GAREM1: variants seen among roughly 807,000 people sequenced by gnomAD.
GAREM1 encodes the protein GRB2 associated regulator of MAPK1 subtype 1.
Under a neutral mutation model 71.3 loss-of-function variants are expected in GAREM1, and 26 were observed. The observed-to-expected ratio is 0.36, with a 90% CI of 0.27 to 0.51. GAREM1 has a LOEUF of 0.51. Ranked by LOEUF, GAREM1 falls within the 20% of genes least tolerant of loss-of-function variation. GAREM1 has a pLI of 0.95. For missense variants in GAREM1, 1,026 were observed against 1,103.1 expected, an observed-to-expected ratio of 0.93 and a Z score of 0.99; for synonymous variants, 440 against 433.2, an observed-to-expected ratio of 1.02 and a Z score of -0.20.
chr18:32,370,194 G>T (rs181045771), intron 2 of GAREM1, among the ~76,000 whole-genome samples: 546 of 152,082 alleles, frequency 3.6e-3, no homozygotes, highest in Admixed American at 7.7e-3. Flanking sequence ...GCACTTTGGG[G>T]GGCCGAGGCC....
chr18:32,310,205 T>C lies in GAREM1; in HGVS notation c.381A>G (p.Thr127=), dbSNP rs1427237496. ...CAAGAGCTACTACCTTCACGTTGAA[T>C]GTGATATCCTCCATGACGTACACGC... ...PERVYVMEDI[T]FNVKVASGEC... The change falls in exon 3 of 6, where the codon ACA becomes ACG. Residue 127 remains threonine, a synonymous_variant. Coordinates refer to ENST00000269209, the MANE Select transcript of GAREM1 (RefSeq NM_001242409.2). 1.4e-5 allele frequency: 23 copies of C among 1,614,036 alleles called. No homozygotes were observed. Among genetic ancestry groups the C allele is most frequent in the Non-Finnish European group, 1.9e-5 (22 of 1,179,978 alleles).
At chr18:32,364,004 A>ATGTTTTT (rs1256498695) in intron 2 of GAREM1, among the ~76,000 whole-genome samples, 1 of 39,502 alleles carries the variant, frequency 2.5e-5, no homozygotes, top group African/African-American at 1.5e-4. Flanking sequence ...ACATATATAT[A>ATGTTTTT]TATATATATA....
chr18:32,325,546 T>C (rs1163760285), intron 2 of GAREM1, among the ~76,000 whole-genome samples: 1 of 152,150 alleles, frequency 6.6e-6, no homozygotes, highest in East Asian at 1.9e-4. Context: ...AAATTAAGCC[T>C]TTAAAAAACA....
In GAREM1 at chr18:32,310,249, C is replaced by T. The variant is rs1236770834; in HGVS notation, c.337G>A (p.Ala113Thr). The T allele has an allele frequency of 6.2e-7, 1 of 1,614,078 alleles. No homozygotes were observed. The highest frequency in any genetic ancestry group is 8.5e-7 in the Non-Finnish European group (1 of 1,179,958). The change falls in exon 3 of 6, where the codon GCT (alanine) becomes ACT (threonine). Residue 113 changes from alanine (A) to threonine (T), a missense_variant. Physicochemically the swap from Ala to Thr is moderately conservative, Grantham distance 58. Transcript: ENST00000269209. ...TACACGCGTTCAGGAAATGCCTTAG[C>T]CACCTCCTCCACACTGTTGAAATAT... is the stretch of plus-strand genomic sequence containing the variant. ...VQYFNSVEEV[A>T]KAFPERVYVM...
intron 2 of GAREM1, among the ~76,000 whole-genome samples, chr18:32,350,276 A>T (rs935824191): frequency 7.9e-5 from 12 of 152,214 alleles, no homozygotes; most frequent in Non-Finnish European, 1.3e-4. Context: ...AAGTAATATA[A>T]CCACTTTATA....
At chr18:32,284,752 CT>C (rs34946592) in intron 4 of GAREM1, among the ~76,000 whole-genome samples, 1,215 of 121,112 alleles carry the variant, frequency 0.01, 7 homozygotes, top group African/African-American at 0.031. Flanking sequence ...TGCCCCCTTA[CT>C]TTTTTTTTTT....
chr18:32,355,960 A>G (rs568207466), intron 2 of GAREM1, among the ~76,000 whole-genome samples: 4 of 152,336 alleles, frequency 2.6e-5, no homozygotes, highest in South Asian at 2.1e-4. Flanking sequence ...ACATTTTTCA[A>G]CCACATTCTA....
chr18:32,274,216 G>A (rs953722828), intron 4 of GAREM1, among the ~76,000 whole-genome samples: 1 of 152,174 alleles, frequency 6.6e-6, no homozygotes, highest in Non-Finnish European at 1.5e-5. Flanking sequence ...ATTCAGAAGT[G>A]ACAGAGTGAG....
chr18:32,393,777 A>G (rs2144660716), intron 1 of GAREM1, among the ~76,000 whole-genome samples: 1 of 152,332 alleles, frequency 6.6e-6, no homozygotes, highest in South Asian at 2.1e-4. Flanking sequence ...ATGACAAACT[A>G]TTTCAAAAGA....
chr18:32,351,708 T>A lies in GAREM1; in HGVS notation c.262+41187A>T, dbSNP rs531591335. Among the ~76,000 whole-genome samples the A allele has an allele frequency of 4.8e-3, 737 of 152,168 alleles. 3 individuals carry two copies. The highest frequency in any genetic ancestry group is 0.017 in the South Asian group (82 of 4,814). ...TCAAGCAATACCCTCTCTCTTTTTT[T>A]TTTTTTTACTTACACAGACAGAACA... is the stretch of plus-strand genomic sequence containing the variant. On this transcript the variant is annotated intron_variant, in intron 2 of 5. Transcript: ENST00000269209.
At chr18:32,372,774 C>A (rs1053403554) in intron 2 of GAREM1, among the ~76,000 whole-genome samples, 2 of 152,148 alleles carry the variant, frequency 1.3e-5, no homozygotes, top group Non-Finnish European at 2.9e-5. Context: ...GTTTGCCCTA[C>A]CAGGAAATGG....
In GAREM1 at chr18:32,461,494, A is replaced by G. The variant is rs191815811; in HGVS notation, c.121+8814T>C. On this transcript the variant is annotated intron_variant, in intron 1 of 5. Transcript: ENST00000269209. ...GCAAATGGCTCTATCTCAGGAGTTC[A>G]AGACCAGTCTGGGCACACAGCAAAA... Among the ~76,000 whole-genome samples, 251 of 152,190 alleles carry G rather than the reference A, an allele frequency of 1.6e-3. 2 individuals are homozygous for G. The highest frequency in any genetic ancestry group is 5.8e-3 in the African/African-American group (241 of 41,524).
chr18:32,378,562 C>CCT (rs1024129950), intron 2 of GAREM1, among the ~76,000 whole-genome samples: 4 of 149,920 alleles, frequency 2.7e-5, no homozygotes, highest in Non-Finnish European at 4.4e-5. Context: ...CTTGGGAAAA[C>CCT]ATAGAAGACC....
rs576020068 is a variant in GAREM1 at position 32,461,562 on chromosome 18, G to GC, written c.121+8745dup. On this transcript the variant is annotated intron_variant, in intron 1 of 5. Transcript: ENST00000269209. ...ATACAAAAATTAGGCAGGTGTGGTG[G>GC]CAAGTGCCTGTAGTCCCAGTTACTC... 2.4e-4 allele frequency among the ~76,000 whole-genome samples: 36 copies of GC among 152,166 alleles called. No individual in the cohort carries two copies. In the East Asian group the frequency reaches 5.8e-3, roughly 25 times the overall value.
At chr18:32,332,324 G>A (rs534753620) in intron 2 of GAREM1, among the ~76,000 whole-genome samples, 1 of 151,868 alleles carries the variant, frequency 6.6e-6, no homozygotes, top group Non-Finnish European at 1.5e-5. Flanking sequence ...CAGTGGATGC[G>A]GTGTTTACTG....
intron 2 of GAREM1, among the ~76,000 whole-genome samples, chr18:32,379,075 T>C (rs2048068091): frequency 6.6e-6 from 1 of 152,108 alleles, no homozygotes; most frequent in Non-Finnish European, 1.5e-5. Flanking sequence ...CACCTGTAGA[T>C]GGTAGGACCT....
chr18:32,326,954 C>T (rs1195873504), intron 2 of GAREM1, among the ~76,000 whole-genome samples: 1 of 152,132 alleles, frequency 6.6e-6, no homozygotes, highest in Non-Finnish European at 1.5e-5. Flanking sequence ...ATAAACAAGG[C>T]TGGAGAGAAA....
chr18:32,265,257 T>TA lies in GAREM1; in HGVS notation c.*2613dup, dbSNP rs1202599439. The TA allele has an allele frequency of 4.6e-5, 7 of 151,224 alleles. No individual in the cohort carries two copies. Among genetic ancestry groups the TA allele is most frequent in the Middle Eastern group, 3.2e-3 (1 of 316 alleles). 9.4% of individuals were successfully genotyped at this position (151,224 alleles called of 1,614,324 possible). ...TACAATTAAAAGAATTCCAGGTCAG[T>TA]AAAAAAAACAAAAAACAAAAAACAA... On this transcript the variant is annotated 3_prime_UTR_variant, in exon 6 of 6. Coordinates refer to ENST00000269209, the MANE Select transcript of GAREM1 (RefSeq NM_001242409.2).
chr18:32,410,151 C>A (rs7227581), intron 1 of GAREM1, among the ~76,000 whole-genome samples: 47 of 152,272 alleles, frequency 3.1e-4, no homozygotes, highest in African/African-American at 1.1e-3. Flanking sequence ...GGTGTCATCT[C>A]AAGCTCTACT....
Sources: allele counts gnomAD v4.1 joint callset (sites outside exome capture counted in the v4.1 genomes callset), GRCh38; gene constraint gnomAD v4.1.1; transcripts MANE v1.5; gene names NCBI Gene and HGNC (gene_info 2026-07-23, HGNC 2026-07-21).